Variants in CEP128 observed in about 807,000 individuals in gnomAD.
CEP128 encodes centrosomal protein 128, also known as centrosomal protein 128kDa.
Under a neutral mutation model 156.7 loss-of-function variants are expected in CEP128, and 132 were observed. The observed-to-expected ratio is 0.84, with a 90% CI of 0.73 to 0.97. The LOEUF is 0.97. Among genes scored for constraint, CEP128 ranks in the 50% least tolerant of loss-of-function variants. The pLI, the probability that CEP128 is intolerant of heterozygous loss-of-function variation, is 0.00. For synonymous variants in CEP128, 469 were observed against 448.9 expected (o/e 1.04, Z -0.57); for missense variants, 1,252 against 1,281.9 (o/e 0.98, Z 0.36).
At chr14:80,775,508 T>C (rs1239896714) in intron 16 of CEP128, among the ~76,000 whole-genome samples, 1 of 152,230 alleles carries the variant, frequency 6.6e-6, no homozygotes, top group African/African-American at 2.4e-5. Context: ...TATATGCCAT[T>C]TTAGGATACA....
At chr14:80,732,471 G>GGTGTGT (rs10672093) in intron 19 of CEP128, among the ~76,000 whole-genome samples, 11,016 of 127,498 alleles carry the variant, frequency 0.086, 564 homozygotes, top group African/African-American at 0.12. Flanking sequence ...TGATTAAGCA[G>GGTGTGT]GTGTGTGTGT....
chr14:80,497,481 A>G lies in CEP128; in HGVS notation c.3283T>C (p.Ter1095GlnextTer67). Reference sequence around the variant, plus strand: ...AATAACAAATTACATTTGCTTTTTTAGCTCCCATATTCCTCTTTTTTGGGT... The same window carrying G: ...AATAACAAATTACATTTGCTTTTTTGGCTCCCATATTCCTCTTTTTTGGGT... ...SQPKKEEYGS[*>Q] The change falls in exon 25 of 25, where the codon TAA (stop) becomes CAA (glutamine). Residue 1095 changes from the stop codon to glutamine (Q), a stop_lost. Coordinates refer to ENST00000555265, the MANE Select transcript of CEP128 (RefSeq NM_152446.5). The G allele has an allele frequency of 6.3e-7, 1 of 1,595,398 alleles. No homozygotes were observed. The highest frequency in any genetic ancestry group is 8.6e-7 in the Non-Finnish European group (1 of 1,165,746).
chr14:80,682,933 C>A (rs1409220480), intron 19 of CEP128, among the ~76,000 whole-genome samples: 2 of 152,084 alleles, frequency 1.3e-5, no homozygotes, highest in African/African-American at 2.4e-5. Flanking sequence ...TTCAAGAGAA[C>A]CTGGAGGGAG....
Position 80,629,044 on chromosome 14 carries a change from C to T in CEP128, c.2807-48621G>A, listed in dbSNP as rs570437761. 1.9e-4 allele frequency among the ~76,000 whole-genome samples: 18 copies of T among 96,016 alleles called. No homozygotes were observed. The South Asian group carries it at 4.8e-3, about 26-fold the overall frequency. The allele number at this position is 96,016 out of a possible 152,430, so 63.0% of individuals were successfully genotyped here. A position where few individuals can be genotyped will look rare whatever the true frequency, so the allele number is the denominator to read the frequency against. On this transcript the variant is annotated intron_variant, in intron 19 of 24. Coordinates refer to ENST00000555265, the MANE Select transcript of CEP128 (RefSeq NM_152446.5). ...CTTACTCTCCCTTTTTAAACTCAAG[C>T]CTGTTTAAGAAAAAAAAAAAAAACA...
At chr14:80,655,209 A>C (rs1448071179) in intron 19 of CEP128, among the ~76,000 whole-genome samples, 1 of 152,214 alleles carries the variant, frequency 6.6e-6, no homozygotes, top group Non-Finnish European at 1.5e-5. Flanking sequence ...ATACAGTGGA[A>C]TTCAGGAATA....
At chr14:80,857,724 G>C (rs1338512559) in intron 9 of CEP128, among the ~76,000 whole-genome samples, 1 of 142,230 alleles carries the variant, frequency 7.0e-6, no homozygotes, top group Non-Finnish European at 1.5e-5. Flanking sequence ...GCAACAGAGT[G>C]ACCCCATCTC....
intron 23 of CEP128, among the ~76,000 whole-genome samples, chr14:80,525,831 ACT>A (rs1390796095): frequency 6.6e-6 from 1 of 152,218 alleles, no homozygotes; most frequent in Non-Finnish European, 1.5e-5. Context: ...GGAAATGAAC[ACT>A]GTCTTTATAT....
chr14:80,534,824 CA>C lies in CEP128; in HGVS notation c.2881-3939del, dbSNP rs371773612. Among the ~76,000 whole-genome samples the C allele has an allele frequency of 6.7e-3, 405 of 60,138 alleles. 4 individuals carry two copies. Among genetic ancestry groups the C allele is most frequent in the Admixed American group, 0.039 (185 of 4,734 alleles). 39.5% of individuals were successfully genotyped at this position (60,138 alleles called of 152,430 possible). ...TGGGCGACAGAGCAAGATTCCGTCT[CA>C]AAAAAAAAAAAAAAAAAAAAAGGGA... On this transcript the variant is annotated intron_variant, in intron 21 of 24. Transcript: ENST00000555265.
intron 21 of CEP128, among the ~76,000 whole-genome samples, chr14:80,537,519 C>A (rs955317139): frequency 6.6e-6 from 1 of 152,062 alleles, no homozygotes; most frequent in Non-Finnish European, 1.5e-5. Flanking sequence ...GTTTAATGTT[C>A]TCTGTGTGCT....
intron 21 of CEP128, among the ~76,000 whole-genome samples, chr14:80,553,178 C>T (rs1269999224): frequency 6.6e-6 from 1 of 151,888 alleles, no homozygotes; most frequent in East Asian, 1.9e-4. Flanking sequence ...TTGCTGCACC[C>T]ACCAATCTGT....
chr14:80,832,887 T>C lies in CEP128; in HGVS notation c.1058-1593A>G, dbSNP rs540450582. The stretch of plus-strand genomic sequence containing the variant: ...AAGAATTTATCCTACAAACCAAGCA[T>C]CAGCAAACATTTTCTATAAAGGATC... On this transcript the variant is annotated intron_variant, in intron 12 of 24. Coordinates refer to ENST00000555265, the MANE Select transcript of CEP128 (RefSeq NM_152446.5). Among the ~76,000 whole-genome samples the C allele has an allele frequency of 1.2e-4, 18 of 152,288 alleles. 1 individual carries two copies. The South Asian group carries it at 2.1e-3, about 18-fold the overall frequency.
chr14:80,634,197 G>A (rs1894085916), intron 19 of CEP128, among the ~76,000 whole-genome samples: 1 of 152,196 alleles, frequency 6.6e-6, no homozygotes, highest in South Asian at 2.1e-4. Context: ...GTACTTGTTA[G>A]ATTGCTTTCA....
chr14:80,826,780 GTTCT>G (rs531370089), intron 13 of CEP128, among the ~76,000 whole-genome samples: 189 of 151,534 alleles, frequency 1.2e-3, no homozygotes, highest in Non-Finnish European at 2.4e-3. Flanking sequence ...TTTCTTTGAA[GTTCT>G]TTCTTGAATT....
chr14:80,795,980 C>T (rs922557207), intron 13 of CEP128, among the ~76,000 whole-genome samples: 2 of 152,124 alleles, frequency 1.3e-5, no homozygotes, highest in African/African-American at 4.8e-5. Flanking sequence ...AGAAAAACAA[C>T]ACCAACAAAA....
chr14:80,495,213 T>C (rs976424268), downstream of CEP128, among the ~76,000 whole-genome samples: 18 of 152,228 alleles, frequency 1.2e-4, no homozygotes, highest in African/African-American at 4.3e-4. Context: ...TAATTGAGGC[T>C]ACCCTGCCAA....
intron 20 of CEP128, among the ~76,000 whole-genome samples, chr14:80,574,388 G>A (rs1018101139): frequency 1.3e-5 from 2 of 152,046 alleles, no homozygotes; most frequent in Non-Finnish European, 2.9e-5. Flanking sequence ...GCTACAGTTC[G>A]GCAGAAAAGA....
At chr14:80,780,109 TGA>T (rs1448594089) in intron 15 of CEP128, among the ~76,000 whole-genome samples, 3 of 152,036 alleles carry the variant, frequency 2.0e-5, no homozygotes, top group Admixed American at 1.3e-4. Flanking sequence ...AAAATAGGTA[TGA>T]GAGGGGTGAT....
At chr14:80,563,480 G>T (rs928685974) in intron 20 of CEP128, among the ~76,000 whole-genome samples, 52 of 149,844 alleles carry the variant, frequency 3.5e-4, no homozygotes, top group South Asian at 2.1e-4. Flanking sequence ...TATACTTTTT[G>T]GGGTAATGCA....
chr14:80,771,902 T>C lies in CEP128; in HGVS notation c.2376+5980A>G, dbSNP rs1363076536. ...TCCTATTTCCATTTCTACCCAAGGA[T>C]AGCTGGGAGCTCTTAGGTAAGTCAG... On this transcript the variant is annotated intron_variant, in intron 16 of 24. Coordinates refer to ENST00000555265, the MANE Select transcript of CEP128 (RefSeq NM_152446.5). Among the ~76,000 whole-genome samples, 4 of 152,224 alleles carry C rather than the reference T, an allele frequency of 2.6e-5. No individual in the cohort carries two copies. In the South Asian group the frequency reaches 6.2e-4, roughly 24 times the overall value.
Sources: gnomAD v4.1 joint callset for allele counts (sites outside exome capture counted in the v4.1 genomes callset) on GRCh38, gnomAD v4.1.1 for gene constraint, MANE v1.5 for transcripts, NCBI Gene and HGNC (gene_info 2026-07-23, HGNC 2026-07-21) for gene names.